The following YLPM1 variants were observed in gnomAD, a reference collection of about 807,000 sequenced individuals.
The protein encoded by YLPM1 is YLP motif-containing protein 1.
A neutral mutation model predicts 230.0 loss-of-function variants in YLPM1; 99 were observed. The ratio of observed to expected loss-of-function variants is 0.43; its 90% confidence interval spans 0.37 to 0.51. YLPM1 has a LOEUF of 0.51. YLPM1 is among the 20% of genes least tolerant of loss of function. The probability of loss-of-function intolerance (pLI) is 0.00; values close to 1 mark genes in which losing one functional copy is unlikely to be tolerated. For missense variants in YLPM1, 2,592 were observed against 2,707.7 expected (o/e 0.96, Z 0.95); for synonymous variants, 984 against 942.5 (o/e 1.04, Z -0.81).
chr14:74,827,911 CTG>C (rs1020819652), intron 18 of YLPM1: 1 of 985,136 alleles, frequency 1.0e-6, no homozygotes, highest in African/African-American at 1.7e-5. Flanking sequence ...AAGACTGGAT[CTG>C]TGGAATCCAT....
intron 4 of YLPM1, 24 bp downstream of exon 4, chr14:74,782,349 T>G (rs1002365191): frequency 2.0e-6 from 3 of 1,492,368 alleles, no homozygotes; most frequent in Non-Finnish European, 2.6e-6. Context: ...TTTTTCTCTT[T>G]TTTTTTGGTT....
chr14:74,788,684 AAG>A (rs1437398599), intron 4 of YLPM1, among the ~76,000 whole-genome samples: 1 of 152,146 alleles, frequency 6.6e-6, no homozygotes, highest in Non-Finnish European at 1.5e-5. Flanking sequence ...TCTCTACAAA[AAG>A]TAAAAAATTA....
rs1166423799 is a variant in YLPM1 at position 74,780,581 on chromosome 14, A to G, written c.1287A>G (p.Ile429Met). The change falls in exon 3 of 21, where the codon ATA becomes ATG. Residue 429 changes from isoleucine to methionine, a missense_variant. Ile to Met is a conservative substitution (Grantham distance 10). Around this residue, in one of 4 missense-constraint regions of YLPM1, gnomAD observed 1,862 missense variants for 1,819.8 expected, o/e 1.02. Transcript: ENST00000325680. ...YQQIIQPPPH[I>M]QTMSVDMQLR... ...AGATTATACAGCCCCCACCACATATACAGGCAAGTGCTTCCATAGTCCACA... is the reference window on the plus strand; with the variant it reads ...AGATTATACAGCCCCCACCACATATGCAGGCAAGTGCTTCCATAGTCCACA... 14 of 1,607,980 alleles carry G rather than the reference A, an allele frequency of 8.7e-6. No homozygotes were observed. The highest frequency in any genetic ancestry group is 1.2e-5 in the Non-Finnish European group (14 of 1,175,692).
chr14:74,767,944 T>C (rs1468027376), intron 1 of YLPM1, among the ~76,000 whole-genome samples: 1 of 152,172 alleles, frequency 6.6e-6, no homozygotes, highest in Non-Finnish European at 1.5e-5. Context: ...GTAATGCCAT[T>C]GGTCCCTCTA....
At chr14:74,766,617 C>T (rs2090913919) in intron 1 of YLPM1, among the ~76,000 whole-genome samples, 1 of 150,322 alleles carries the variant, frequency 6.7e-6, no homozygotes, top group South Asian at 2.1e-4. Context: ...ACTACAGGTG[C>T]ATGCCACCAT....
chr14:74,766,979 G>A (rs2090918550), intron 1 of YLPM1, among the ~76,000 whole-genome samples: 1 of 150,792 alleles, frequency 6.6e-6, no homozygotes, highest in South Asian at 2.1e-4. Flanking sequence ...TGCCTCCCGG[G>A]TTCAAGCGAT....
chr14:74,777,257 A>T (rs2091050537), intron 1 of YLPM1, among the ~76,000 whole-genome samples: 1 of 152,070 alleles, frequency 6.6e-6, no homozygotes, highest in African/African-American at 2.4e-5. Context: ...TAAAATAAAT[A>T]GAAAGCATTT....
intron 18 of YLPM1, chr14:74,827,585 A>G (rs1369333713): frequency 3.0e-6 from 3 of 985,270 alleles, no homozygotes; most frequent in African/African-American, 3.5e-5. Context: ...GCCCTTCTGT[A>G]TTGCTGCCTG....
At position 74,763,826 on chromosome 14, in the gene YLPM1, C is replaced by G; in HGVS notation, c.337C>G (p.Pro113Ala). 6.6e-7 allele frequency: 1 copy of G among 1,512,814 alleles called. No individual in the cohort carries two copies. Among genetic ancestry groups the G allele is most frequent in the Non-Finnish European group, 8.9e-7 (1 of 1,129,792 alleles). 93.7% of individuals were successfully genotyped at this position (1,512,814 alleles called of 1,614,324 possible). The change falls in exon 1 of 21, where the codon CCG becomes GCG. Residue 113 changes from proline to alanine, a missense_variant. Physicochemically the swap from Pro to Ala is conservative, Grantham distance 27 (BLOSUM62 -1). Coordinates refer to ENST00000325680, the MANE Select transcript of YLPM1 (RefSeq NM_019589.3). The stretch of plus-strand genomic sequence containing the variant: ...GCCACCGATGCCCCCGCCACCCGGG[C>G]CGGCCCTCAGCTATCAGAAGCAGCA... ...PPPPMPPPPGPALSYQKQQQY... is the reference protein window; with the variant it reads ...PPPPMPPPPGAALSYQKQQQY...
chr14:74,795,630 G>T lies in YLPM1; in HGVS notation c.2283-1950G>T, dbSNP rs2270427. Reference sequence around the variant, plus strand: ...CCTCTACATTCTCATATCAGTCACTGCCTTAGACTAGGCATCACCTTCACT... The same window carrying T: ...CCTCTACATTCTCATATCAGTCACTTCCTTAGACTAGGCATCACCTTCACT... On this transcript the variant is annotated intron_variant, in intron 4 of 20. Transcript: ENST00000325680. Among the ~76,000 whole-genome samples the T allele has an allele frequency of 5.4e-3, 819 of 152,238 alleles. 25 individuals carry two copies. The highest frequency in any genetic ancestry group is 0.034 in the Admixed American group (515 of 15,286).
intron 4 of YLPM1, among the ~76,000 whole-genome samples, chr14:74,797,134 G>T (rs71429061): frequency 0.11 from 16,066 of 144,890 alleles, 1,265 homozygotes; most frequent in African/African-American, 0.23. Flanking sequence ...CACCACACCT[G>T]GCTAAATTTT....
At chr14:74,811,147 G>T (rs565368185) in intron 9 of YLPM1, among the ~76,000 whole-genome samples, 1 of 151,986 alleles carries the variant, frequency 6.6e-6, no homozygotes, top group Non-Finnish European at 1.5e-5. Flanking sequence ...CTTCTTAGAT[G>T]TATGTATATA....
At chr14:74,831,097 A>G (rs1456803460) in intron 19 of YLPM1, among the ~76,000 whole-genome samples, 1 of 152,154 alleles carries the variant, frequency 6.6e-6, no homozygotes, top group Admixed American at 6.5e-5. Flanking sequence ...ACTTTTGACA[A>G]TCTGATAGGT....
intron 4 of YLPM1, among the ~76,000 whole-genome samples, chr14:74,785,193 T>G (rs1020905337): frequency 6.6e-6 from 1 of 152,162 alleles, no homozygotes; most frequent in African/African-American, 2.4e-5. Context: ...TTCTAAGACT[T>G]TACATTTCTC....
intron 16 of YLPM1, among the ~76,000 whole-genome samples, chr14:74,819,990 A>C (rs528971054): frequency 6.6e-6 from 1 of 152,318 alleles, no homozygotes; most frequent in South Asian, 2.1e-4. Flanking sequence ...CATTAATGTT[A>C]TAAAGTCTAG....
At chr14:74,820,693 CTTT>C (rs2091514383) in intron 16 of YLPM1, among the ~76,000 whole-genome samples, 1 of 152,186 alleles carries the variant, frequency 6.6e-6, no homozygotes, top group South Asian at 2.1e-4. Context: ...TTTCACTATA[CTTT>C]TTCTTATATT....
At chr14:74,772,294 A>G (rs888083126) in intron 1 of YLPM1, among the ~76,000 whole-genome samples, 1 of 149,500 alleles carries the variant, frequency 6.7e-6, no homozygotes, top group Admixed American at 6.7e-5. Flanking sequence ...GGCTCAAGCG[A>G]TATTCGTGCC....
At chr14:74,823,975 G>C (rs2091543629) in intron 17 of YLPM1, 1 of 314,244 alleles carries the variant, frequency 3.2e-6, no homozygotes, top group Non-Finnish European at 5.9e-6. Flanking sequence ...TACAGCTGTT[G>C]TTCAGACTAC....
At chr14:74,786,078 T>C (rs1262694302) in intron 4 of YLPM1, among the ~76,000 whole-genome samples, 1 of 152,066 alleles carries the variant, frequency 6.6e-6, no homozygotes, top group Admixed American at 6.6e-5. Flanking sequence ...AAGACACACA[T>C]TGGCCAGGTG....
Sources: gnomAD v4.1 joint callset for allele counts (sites outside exome capture counted in the v4.1 genomes callset) on GRCh38, gnomAD v4.1.1 for gene constraint, gnomAD v4.1.1 regional missense constraint, MANE v1.5 for transcripts, NCBI Gene and HGNC (gene_info 2026-07-23, HGNC 2026-07-21) for gene names.